FAM50B: variants seen among roughly 807,000 people sequenced by gnomAD.
FAM50B encodes the protein family with sequence similarity 50 member B.
Under a neutral mutation model 25.4 loss-of-function variants are expected in FAM50B, and 9 were observed. The observed-to-expected ratio is 0.35, with a 90% CI of 0.21 to 0.62. The LOEUF (loss-of-function observed/expected upper bound fraction) is 0.62. Among genes scored for constraint, FAM50B ranks in the 20% least tolerant of loss-of-function variants. The pLI is 0.73. For synonymous variants in FAM50B, 212 were observed against 204.3 expected (o/e 1.04, Z -0.32); for missense variants, 372 against 477.9 (o/e 0.78, Z 2.07).
the FAM50B span, among the ~76,000 whole-genome samples, chr6:3,838,739 G>A: frequency 6.6e-6 from 1 of 150,834 alleles, no homozygotes; most frequent in South Asian, 2.1e-4. Context: ...TACTTGGGAG[G>A]TTGAGGCACA....
upstream of FAM50B, among the ~76,000 whole-genome samples, chr6:3,844,865 G>A (rs549799058): frequency 1.3e-5 from 2 of 152,268 alleles, no homozygotes; most frequent in African/African-American, 4.8e-5. Flanking sequence ...TTACTTATGT[G>A]TTCATGTTGA....
At chr6:3,844,531 C>T (rs1350851653), upstream of FAM50B, among the ~76,000 whole-genome samples, 1 of 151,760 alleles carries the variant, frequency 6.6e-6, no homozygotes, top group Non-Finnish European at 1.5e-5. Context: ...ACCAACATGG[C>T]AAAACCCCGT....
the FAM50B span, among the ~76,000 whole-genome samples, chr6:3,833,430 G>A: frequency 1.3e-5 from 2 of 152,302 alleles, no homozygotes; most frequent in East Asian, 1.9e-4. Context: ...AGGACCGTGT[G>A]TGTGTGGTGA....
chr6:3,847,505 G>A (rs1762136847), upstream of FAM50B, among the ~76,000 whole-genome samples: 1 of 152,250 alleles, frequency 6.6e-6, no homozygotes, highest in African/African-American at 2.4e-5. Flanking sequence ...CAGAATTGAA[G>A]AGACTTAGGG....
chr6:3,844,420 CAAG>C (rs1762098321), upstream of FAM50B, among the ~76,000 whole-genome samples: 1 of 151,970 alleles, frequency 6.6e-6, no homozygotes, highest in Non-Finnish European at 1.5e-5. Context: ...TATATAAAAA[CAAG>C]AATAATACCG....
At position 3,850,959 on chromosome 6, in the gene FAM50B, C is replaced by G. The variant is rs6597007; in HGVS notation, c.*170C>G. 0.13 allele frequency: 143,722 copies of G among 1,138,892 alleles called. 9,999 individuals are homozygous for G. Among genetic ancestry groups the G allele is most frequent in the African/African-American group, 0.26 (16,284 of 63,682 alleles). The allele number at this position is 1,138,892 out of a possible 1,614,324, so 70.5% of individuals were successfully genotyped here. ...TATTGCTGATGTTATGCTTTGGTTG[C>G]TTGGTTGGTCTTTTCTGAGTATTTT... On this transcript the variant is annotated 3_prime_UTR_variant, in exon 2 of 2. Coordinates refer to ENST00000648326, the MANE Select transcript of FAM50B (RefSeq NM_012135.3).
the FAM50B span, among the ~76,000 whole-genome samples, chr6:3,842,452 T>C: frequency 3.3e-5 from 5 of 152,204 alleles, no homozygotes; most frequent in African/African-American, 1.2e-4. Flanking sequence ...TCCTGATACA[T>C]TTAGTACATG....
Position 3,850,026 on chromosome 6 carries a change from A to G in FAM50B, c.215A>G (p.Asp72Gly), listed in dbSNP as rs774232202. 6.2e-7 allele frequency: 1 copy of G among 1,613,450 alleles called. No individual in the cohort carries two copies. The highest frequency in any genetic ancestry group is 8.5e-7 in the Non-Finnish European group (1 of 1,179,726). Residue 72 changes from aspartate to glycine, a missense_variant, in exon 2 of 2, where the codon GAC becomes GGC. Physicochemically the swap from Asp to Gly is moderately conservative, Grantham distance 94. Transcript: ENST00000648326. ...SSTVGLVTLN[D>G]MKARQEALVR... Reference sequence around the variant, plus strand: ...ACGGTGGGCCTGGTGACCCTGAACGACATGAAGGCCCGGCAGGAGGCCCTG... The same window carrying G: ...ACGGTGGGCCTGGTGACCCTGAACGGCATGAAGGCCCGGCAGGAGGCCCTG...
At chr6:3,842,260 T>G in the FAM50B span, among the ~76,000 whole-genome samples, 72,097 of 152,018 alleles carry the variant, frequency 0.47, 17,412 homozygotes, top group Non-Finnish European at 0.49. Context: ...ATTTTTAAAT[T>G]GCCTCCATGG....
At chr6:3,838,200 CT>C in the FAM50B span, among the ~76,000 whole-genome samples, 2 of 152,102 alleles carry the variant, frequency 1.3e-5, no homozygotes, top group Non-Finnish European at 2.9e-5. Context: ...AATAACAGCA[CT>C]TTGGGAGGCC....
the FAM50B span, among the ~76,000 whole-genome samples, chr6:3,837,379 AAAAC>A: frequency 3.3e-5 from 5 of 152,346 alleles, no homozygotes; most frequent in African/African-American, 9.6e-5. Flanking sequence ...CAATAGTAAG[AAAAC>A]AAACAACCCA....
At chr6:3,839,484 G>A in the FAM50B span, among the ~76,000 whole-genome samples, 2 of 152,184 alleles carry the variant, frequency 1.3e-5, no homozygotes, top group Non-Finnish European at 2.9e-5. Context: ...GCCAGGGGCA[G>A]CGATGGGGAA....
upstream of FAM50B, among the ~76,000 whole-genome samples, chr6:3,847,521 C>T (rs1192997533): frequency 6.6e-6 from 1 of 152,236 alleles, no homozygotes; most frequent in African/African-American, 2.4e-5. Flanking sequence ...TAGGGCCTTG[C>T]CCTGGATTAG....
chr6:3,850,072 G>A lies in FAM50B; in HGVS notation c.261G>A (p.Gln87=), dbSNP rs758842799. ...CCCTGGTCAGGGAGCGCGAGCGGCA[G>A]CTGGCCAAGCGCCAGCACCTGGAGG... The part of the protein sequence containing the change: ...QEALVRERER[Q]LAKRQHLEEQ... Residue 87 remains glutamine, a synonymous_variant, in exon 2 of 2, where the codon CAG becomes CAA. Transcript: ENST00000648326. 6.2e-7 allele frequency: 1 copy of A among 1,610,590 alleles called. No homozygotes were observed. Among genetic ancestry groups the A allele is most frequent in the African/African-American group, 1.3e-5 (1 of 74,994 alleles).
chr6:3,850,072 G>C lies in FAM50B; in HGVS notation c.261G>C (p.Gln87His). Reference protein sequence around the residue: ...QEALVRERERQLAKRQHLEEQ... With the variant: ...QEALVRERERHLAKRQHLEEQ... ...CCCTGGTCAGGGAGCGCGAGCGGCA[G>C]CTGGCCAAGCGCCAGCACCTGGAGG... The change falls in exon 2 of 2, where the codon CAG (glutamine) becomes CAC (histidine). Residue 87 changes from glutamine (Q) to histidine (H), a missense_variant. By Grantham distance (24) the Gln-to-His change is conservative (BLOSUM62 0). This residue lies in a region of FAM50B where 224 missense variants were observed against 232.2 expected (regional missense o/e 0.96). Coordinates refer to ENST00000648326, the MANE Select transcript of FAM50B (RefSeq NM_012135.3). 2 of 1,610,590 alleles carry C rather than the reference G, an allele frequency of 1.2e-6. No individual in the cohort carries two copies. The highest frequency in any genetic ancestry group is 1.7e-6 in the Non-Finnish European group (2 of 1,178,778).
chr6:3,842,868 A>C, the FAM50B span, among the ~76,000 whole-genome samples: 1 of 152,240 alleles, frequency 6.6e-6, no homozygotes, highest in Non-Finnish European at 1.5e-5. Context: ...GTTCGCAATT[A>C]ATATTTTATC....
Position 3,850,383 on chromosome 6 carries a change from A to G in FAM50B, c.572A>G (p.Tyr191Cys), listed in dbSNP as rs1371692094. ...KDEEMEVTFS[Y>C]WDGSGHRRTV... Reference sequence around the variant, plus strand: ...GAGGAGATGGAGGTCACCTTCAGCTACTGGGACGGCTCGGGCCACCGGCGC... The same window carrying G: ...GAGGAGATGGAGGTCACCTTCAGCTGCTGGGACGGCTCGGGCCACCGGCGC... The change falls in exon 2 of 2, where the codon TAC (tyrosine) becomes TGC (cysteine). Residue 191 changes from tyrosine (Y) to cysteine (C), a missense_variant. This residue lies in a region of FAM50B where 224 missense variants were observed against 232.2 expected (regional missense o/e 0.96). Coordinates refer to ENST00000648326, the MANE Select transcript of FAM50B (RefSeq NM_012135.3). 6.2e-7 allele frequency: 1 copy of G among 1,613,374 alleles called. No homozygotes were observed.
At chr6:3,848,248 A>G (rs1762144966), upstream of FAM50B, among the ~76,000 whole-genome samples, 2 of 152,266 alleles carry the variant, frequency 1.3e-5, no homozygotes. Context: ...GCTCAATAAA[A>G]TAAGATATTC....
At chr6:3,839,543 A>T in the FAM50B span, among the ~76,000 whole-genome samples, 1 of 152,186 alleles carries the variant, frequency 6.6e-6, no homozygotes, top group Non-Finnish European at 1.5e-5. Flanking sequence ...TGGCAGAACC[A>T]TTCTGTTCCT....
Sources: allele counts gnomAD v4.1 joint callset (sites outside exome capture counted in the v4.1 genomes callset), GRCh38; gene constraint gnomAD v4.1.1; regional missense constraint gnomAD v4.1.1; transcripts MANE v1.5; gene names NCBI Gene and HGNC (gene_info 2026-07-23, HGNC 2026-07-21).